The following ARID5B variants were observed in gnomAD, a reference collection of about 807,000 sequenced individuals.
ARID5B encodes the protein AT-rich interactive domain-containing protein 5B.
In ARID5B, 13 loss-of-function variants were observed where a neutral mutation model predicts 97.2. The ratio of observed to expected loss-of-function variants is 0.13; its 90% CI spans 0.09 to 0.21. The LOEUF (loss-of-function observed/expected upper bound fraction) is 0.21. Ranked by LOEUF, ARID5B falls within the 10% of genes least tolerant of loss-of-function variation. The pLI is 1.00. For missense variants in ARID5B, 1,210 were observed against 1,465.3 expected (o/e 0.83, Z 2.84); for synonymous variants, 556 against 570.3 (o/e 0.97, Z 0.36).
chr10:61,985,335 C>A (rs1838832515), intron 3 of ARID5B, among the ~76,000 whole-genome samples: 1 of 151,914 alleles, frequency 6.6e-6, no homozygotes, highest in Non-Finnish European at 1.5e-5. Flanking sequence ...AGGCTATACA[C>A]CCCTCTTTAA....
intron 4 of ARID5B, among the ~76,000 whole-genome samples, chr10:62,013,147 A>C (rs1340698108): frequency 6.6e-6 from 1 of 152,198 alleles, no homozygotes; most frequent in East Asian, 1.9e-4. Flanking sequence ...TCCAAAGCAC[A>C]ACAGGAAAAA....
intron 4 of ARID5B, among the ~76,000 whole-genome samples, chr10:62,031,923 C>G (rs1279460943): frequency 1.3e-5 from 2 of 152,160 alleles, no homozygotes; most frequent in Non-Finnish European, 2.9e-5. Context: ...TACCACTGGA[C>G]AGATTTGGTC....
chr10:61,994,147 C>G (rs184539499), intron 3 of ARID5B, among the ~76,000 whole-genome samples: 4 of 152,104 alleles, frequency 2.6e-5, no homozygotes, highest in African/African-American at 9.6e-5. Flanking sequence ...AACTAAAGGG[C>G]AAAATACTTG....
At chr10:61,971,046 A>G (rs1303361120) in intron 3 of ARID5B, among the ~76,000 whole-genome samples, 2 of 152,032 alleles carry the variant, frequency 1.3e-5, no homozygotes, top group African/African-American at 2.4e-5. Flanking sequence ...AGGGAAAAAG[A>G]GTAAAATAGA....
At position 62,092,341 on chromosome 10, in the gene ARID5B, A is replaced by G. The variant is rs1840392133; in HGVS notation, c.2878A>G (p.Met960Val). 6.2e-7 allele frequency: 1 copy of G among 1,614,032 alleles called. No homozygotes were observed. Among genetic ancestry groups the G allele is most frequent in the East Asian group, 2.2e-5 (1 of 44,876 alleles). Residue 960 changes from methionine to valine, a missense_variant, in exon 10 of 10, where the codon ATG becomes GTG. By Grantham distance (21) the Met-to-Val change is conservative. This residue lies in a region of ARID5B where 800 missense variants were observed against 839.1 expected (regional missense o/e 0.95). Coordinates refer to ENST00000279873, the MANE Select transcript of ARID5B (RefSeq NM_032199.3). ...CHPKACRVSP[M>V]TMSGPKKYPE... ...CCCCAAAGCCTGTCGGGTATCACCC[A>G]TGACCATGTCAGGCCCTAAAAAATA...
chr10:61,973,582 C>T (rs1193857669), intron 3 of ARID5B, among the ~76,000 whole-genome samples: 3 of 150,894 alleles, frequency 2.0e-5, no homozygotes, highest in Admixed American at 2.0e-4. Context: ...CACATGCATA[C>T]ACACACACAC....
intron 3 of ARID5B, among the ~76,000 whole-genome samples, chr10:61,978,403 A>AT (rs1838730237): frequency 6.6e-6 from 1 of 152,220 alleles, no homozygotes; most frequent in African/African-American, 2.4e-5. Context: ...GAAGAAGGTC[A>AT]TTGGTAGCTT....
intron 3 of ARID5B, among the ~76,000 whole-genome samples, chr10:61,978,283 T>G (rs1027662699): frequency 4.6e-5 from 7 of 152,210 alleles, no homozygotes; most frequent in Admixed American, 3.9e-4. Context: ...TAGTTTGAAG[T>G]CAGGTAGCGT....
chr10:62,043,941 A>C (rs546627127), intron 4 of ARID5B, among the ~76,000 whole-genome samples: 1 of 152,348 alleles, frequency 6.6e-6, no homozygotes, highest in East Asian at 1.9e-4. Context: ...GGTATAGCAA[A>C]GGCAGTAATA....
intron 3 of ARID5B, among the ~76,000 whole-genome samples, chr10:61,952,881 A>G (rs927823793): frequency 2.0e-5 from 3 of 151,972 alleles, no homozygotes; most frequent in African/African-American, 7.3e-5. Context: ...GACATTTTAC[A>G]TCTTAATAGT....
chr10:62,044,799 A>C (rs1839685348), intron 4 of ARID5B, among the ~76,000 whole-genome samples: 3 of 152,244 alleles, frequency 2.0e-5, no homozygotes, highest in African/African-American at 4.8e-5. Context: ...TCAGAGTTAG[A>C]ACGTCGCGCA....
chr10:61,956,560 G>A (rs77757273), intron 3 of ARID5B, among the ~76,000 whole-genome samples: 10,556 of 151,876 alleles, frequency 0.07, 439 homozygotes, highest in East Asian at 0.14. Flanking sequence ...CAGTTTCCAG[G>A]CCTCCTCAGC....
intron 3 of ARID5B, among the ~76,000 whole-genome samples, chr10:61,971,004 A>G (rs1455461618): frequency 7.0e-6 from 1 of 143,414 alleles, no homozygotes; most frequent in Non-Finnish European, 1.6e-5. Flanking sequence ...TGTGTGTATA[A>G]AACAAAAGAA....
chr10:61,970,162 A>G (rs995196927), intron 3 of ARID5B, among the ~76,000 whole-genome samples: 13 of 152,252 alleles, frequency 8.5e-5, no homozygotes, highest in African/African-American at 2.9e-4. Flanking sequence ...ATAAATGCCA[A>G]TAGCTTTTAT....
intron 7 of ARID5B, among the ~76,000 whole-genome samples, chr10:62,062,215 A>G (rs1329092771): frequency 6.6e-6 from 1 of 152,244 alleles, no homozygotes; most frequent in Admixed American, 6.5e-5. Context: ...GTCATCACAG[A>G]GTTACTAGAG....
In ARID5B at chr10:62,092,202, C is replaced by T. The variant is rs1840389003; in HGVS notation, c.2739C>T (p.Asn913=). The change falls in exon 10 of 10, where the codon AAC becomes AAT. Residue 913 remains asparagine (N), a synonymous_variant. Coordinates refer to ENST00000279873, the MANE Select transcript of ARID5B (RefSeq NM_032199.3). ...CTACAGATCTGAGCCTTCCCAAGAA[C>T]CCGCACAAACCTACCGGCAAGGTCC... ...DQPTDLSLPK[N]PHKPTGKVLG... The T allele has an allele frequency of 1.4e-5, 23 of 1,610,610 alleles. No individual in the cohort carries two copies. Among genetic ancestry groups the T allele is most frequent in the Non-Finnish European group, 1.8e-5 (21 of 1,178,676 alleles).
Position 62,095,437 on chromosome 10 carries a change from G to T in ARID5B, c.*2407G>T, listed in dbSNP as rs145154736. On this transcript the variant is annotated 3_prime_UTR_variant, in exon 10 of 10. Coordinates refer to ENST00000279873, the MANE Select transcript of ARID5B (RefSeq NM_032199.3). ...CACCTATTTGGAATATGGGGCATTT[G>T]TTTTTTCCACTGCAATGATTTCAGT... is the stretch of plus-strand genomic sequence containing the variant. The T allele has an allele frequency of 8.6e-6, 2 of 233,184 alleles. No homozygotes were observed. The highest frequency in any genetic ancestry group is 1.7e-5 in the Non-Finnish European group (2 of 117,954). The allele number at this position is 233,184 out of a possible 1,614,324, so 14.4% of individuals were successfully genotyped here.
rs1471467383 is a variant in ARID5B at position 62,094,814 on chromosome 10, TAACTAAG to T, written c.*1785_*1791del. The T allele has an allele frequency of 4.3e-6, 1 of 231,412 alleles. No individual in the cohort carries two copies. Among genetic ancestry groups the T allele is most frequent in the Non-Finnish European group, 8.6e-6 (1 of 116,902 alleles). The allele number at this position is 231,412 out of a possible 1,614,324, so 14.3% of individuals were successfully genotyped here. On this transcript the variant is annotated 3_prime_UTR_variant, in exon 10 of 10. Transcript: ENST00000279873. ...TACCAGTAGACTTTAGAACCATAGT[TAACTAAG>T]TCTTTTACCTCTGAGATACTTAATT...
chr10:61,902,673 A>ATGTG (rs59459790), intron 2 of ARID5B, among the ~76,000 whole-genome samples: 1,571 of 148,414 alleles, frequency 0.011, 17 homozygotes, highest in Non-Finnish European at 0.014. Context: ...TTGTTCAAGG[A>ATGTG]TGTGTGTGTG....
Sources: gnomAD v4.1 joint callset for allele counts (sites outside exome capture counted in the v4.1 genomes callset) on GRCh38, gnomAD v4.1.1 for gene constraint, gnomAD v4.1.1 regional missense constraint, MANE v1.5 for transcripts, NCBI Gene and HGNC (gene_info 2026-07-23, HGNC 2026-07-21) for gene names.